CDHR3: variants seen among roughly 807,000 people sequenced by gnomAD.
The protein encoded by CDHR3 is cadherin related family member 3.
A neutral mutation model predicts 86.6 loss-of-function variants in CDHR3; 79 were observed. The observed-to-expected ratio is 0.91, with a 90% confidence interval of 0.76 to 1.10. The LOEUF is 1.10. Ranked by LOEUF, CDHR3 falls within the 50% of genes least tolerant of loss-of-function variation. CDHR3 has a pLI of 0.00. For missense variants in CDHR3, 1,081 were observed against 1,077.6 expected (o/e 1.00, Z -0.04); for synonymous variants, 421 against 402.4 (o/e 1.05, Z -0.55).
chr7:105,995,779 T>C (rs1347534304), intron 5 of CDHR3, among the ~76,000 whole-genome samples: 1 of 152,042 alleles, frequency 6.6e-6, no homozygotes, highest in African/African-American at 2.4e-5. Flanking sequence ...CCCATCTTGT[T>C]TGGGAAAGGC....
At chr7:106,016,100 A>C in intron 11 of CDHR3, 75 bp downstream of exon 11, 1 of 976,814 alleles carries the variant, frequency 1.0e-6, no homozygotes, top group Non-Finnish European at 1.6e-6. Flanking sequence ...TGGAGTGGAA[A>C]ACTCCCTTCT....
intron 11 of CDHR3, 63 bp downstream of exon 11, chr7:106,016,088 T>A (rs1442259543): frequency 8.8e-7 from 1 of 1,135,400 alleles, no homozygotes; most frequent in Non-Finnish European, 1.3e-6. Flanking sequence ...ACGTGTGTTC[T>A]GTGGAGTGGA....
intron 8 of CDHR3, among the ~76,000 whole-genome samples, chr7:106,011,315 A>G (rs1834765264): frequency 6.6e-6 from 1 of 152,210 alleles, no homozygotes; most frequent in African/African-American, 2.4e-5. Context: ...CCACTGGAGC[A>G]TTCACAAACA....
At chr7:106,020,041 G>C (rs1468999743) in intron 12 of CDHR3, among the ~76,000 whole-genome samples, 1 of 145,890 alleles carries the variant, frequency 6.9e-6, no homozygotes, top group Admixed American at 6.8e-5. Context: ...GTGCATGTGT[G>C]TGTGTGTGGG....
intron 8 of CDHR3, 117 bp from the exon 9 acceptor site, chr7:106,012,743 C>A: frequency 8.8e-7 from 1 of 1,142,758 alleles, no homozygotes; most frequent in South Asian, 1.6e-5. Context: ...ACTGCAATGA[C>A]CATGGACTTA....
intron 4 of CDHR3, among the ~76,000 whole-genome samples, chr7:105,988,720 C>A (rs113756972): frequency 2.2e-4 from 34 of 152,184 alleles, no homozygotes; most frequent in African/African-American, 6.0e-4. Flanking sequence ...AATATTGGAC[C>A]GGCTCTGTCC....
chr7:106,015,010 G>A, intron 9 of CDHR3, 101 bp from the exon 10 acceptor site: 2 of 912,180 alleles, frequency 2.2e-6, no homozygotes, highest in Non-Finnish European at 3.3e-6. Context: ...AAAGCGTTTT[G>A]CCAATTTATA....
At chr7:105,989,588 C>T (rs1159013384) in intron 4 of CDHR3, among the ~76,000 whole-genome samples, 5 of 152,096 alleles carry the variant, frequency 3.3e-5, no homozygotes, top group African/African-American at 9.7e-5. Flanking sequence ...TTATCTTGCT[C>T]ATAGCTCTAG....
At chr7:106,020,767 C>T (rs1228268469) in intron 13 of CDHR3, among the ~76,000 whole-genome samples, 2 of 152,198 alleles carry the variant, frequency 1.3e-5, no homozygotes, top group African/African-American at 2.4e-5. Context: ...AGACTACAGG[C>T]ATGCCTCATT....
intron 1 of CDHR3, among the ~76,000 whole-genome samples, chr7:105,963,985 ATATAT>A (rs1213725709): frequency 6.6e-6 from 1 of 152,178 alleles, no homozygotes. Flanking sequence ...TATATGCATA[ATATAT>A]TGAATTTATG....
chr7:105,981,106 C>A lies in CDHR3; in HGVS notation c.388C>A (p.Pro130Thr). ...TVQVTDVNEPPQFQGNLAEGL... is the reference protein window; with the variant it reads ...TVQVTDVNEPTQFQGNLAEGL... ...CCAGGTAACAGATGTGAACGAGCCA[C>A]CTCAGTTTCAAGGCAACTTGGCAGA... The change falls in exon 3 of 19, where the codon CCT becomes ACT. Residue 130 changes from proline to threonine, a missense_variant. Physicochemically the swap from Pro to Thr is conservative, Grantham distance 38. Transcript: ENST00000317716. 1 of 1,613,604 alleles carries A rather than the reference C, an allele frequency of 6.2e-7. No individual in the cohort carries two copies. Among genetic ancestry groups the A allele is most frequent in the Non-Finnish European group, 8.5e-7 (1 of 1,179,764 alleles).
intron 17 of CDHR3, among the ~76,000 whole-genome samples, chr7:106,029,137 G>A (rs570072028): frequency 6.6e-6 from 1 of 151,998 alleles, no homozygotes; most frequent in South Asian, 2.1e-4. Context: ...GTGCCACCAC[G>A]CCTGGCTAAT....
rs77398486 is a variant in CDHR3, at chr7:105,966,952, C to CTTT, written c.46+3598_46+3600dup. On this transcript the variant is annotated intron_variant, in intron 1 of 18. Transcript: ENST00000317716. ...AAAGTAATGGTAAAAACCACAATTA[C>CTTT]TTTTTTTTTTTTATTATTATACTTT... Among the ~76,000 whole-genome samples, 4 of 150,118 alleles carry CTTT rather than the reference C, an allele frequency of 2.7e-5. No individual in the cohort carries two copies. In the South Asian group the frequency reaches 8.4e-4, roughly 32 times the overall value.
At chr7:106,007,463 C>A (rs950250424) in intron 8 of CDHR3, among the ~76,000 whole-genome samples, 1 of 152,230 alleles carries the variant, frequency 6.6e-6, no homozygotes, top group African/African-American at 2.4e-5. Flanking sequence ...ACCCAAGTCA[C>A]ATCTTGAATG....
At chr7:106,029,579 T>TCTC (rs1554533186) in intron 17 of CDHR3, among the ~76,000 whole-genome samples, 2 of 151,626 alleles carry the variant, frequency 1.3e-5, no homozygotes, top group African/African-American at 2.4e-5. Context: ...TCTCTCTCTC[T>TCTC]TTGACAGAAC....
chr7:106,028,398 T>G, intron 16 of CDHR3, 153 bp from the exon 17 acceptor site: 1 of 826,232 alleles, frequency 1.2e-6, no homozygotes, highest in Non-Finnish European at 2.0e-6. Context: ...TGGAAAGTTG[T>G]CAAGAAACAT....
intron 4 of CDHR3, among the ~76,000 whole-genome samples, chr7:105,989,220 C>CCA (rs3999757): frequency 0.63 from 90,827 of 143,216 alleles, 29,049 homozygotes; most frequent in East Asian, 0.89. Context: ...GTACCCACCC[C>CCA]CCCACCTCTT....
intron 4 of CDHR3, among the ~76,000 whole-genome samples, chr7:105,990,969 A>G (rs1396728763): frequency 6.6e-6 from 1 of 152,178 alleles, no homozygotes; most frequent in East Asian, 1.9e-4. Context: ...TGTGTCTGAG[A>G]GCAAACCTAG....
chr7:106,029,543 C>CCTGTCT (rs1316782284), intron 17 of CDHR3, among the ~76,000 whole-genome samples: 9 of 96,510 alleles, frequency 9.3e-5, no homozygotes, highest in South Asian at 3.2e-4. Context: ...CTCTCCTCCA[C>CCTGTCT]CTCTGTCTCT....
Sources: allele counts gnomAD v4.1 joint callset (sites outside exome capture counted in the v4.1 genomes callset), GRCh38; gene constraint gnomAD v4.1.1; transcripts MANE v1.5; gene names NCBI Gene and HGNC (gene_info 2026-07-23, HGNC 2026-07-21).